The following GOLM2 variants were observed in gnomAD, a reference collection of about 807,000 sequenced individuals.
GOLM2 encodes the protein golgi membrane protein 2.
Under a neutral mutation model 55.9 loss-of-function variants are expected in GOLM2, and 26 were observed. The observed-to-expected ratio is 0.47, with a 90% CI of 0.34 to 0.65. The LOEUF (loss-of-function observed/expected upper bound fraction) is 0.65. Among genes scored for constraint, GOLM2 ranks in the 30% least tolerant of loss-of-function variants. The pLI is 0.01. For missense variants in GOLM2, 486 were observed against 531.8 expected (o/e 0.91, Z 0.85); for synonymous variants, 165 against 194.6 (o/e 0.85, Z 1.27).
At chr15:44,299,455 G>A (rs1368955886) in intron 1 of GOLM2, among the ~76,000 whole-genome samples, 3 of 151,904 alleles carry the variant, frequency 2.0e-5, no homozygotes, top group Admixed American at 1.3e-4. Flanking sequence ...ACCACACCCA[G>A]CTAAATTTTG....
intron 6 of GOLM2, among the ~76,000 whole-genome samples, chr15:44,353,840 A>T (rs1049052099): frequency 6.6e-6 from 1 of 152,236 alleles, no homozygotes; most frequent in African/African-American, 2.4e-5. Context: ...TACAAAAAAT[A>T]GAAAGAATGA....
At chr15:44,344,879 G>A (rs1223699547) in intron 6 of GOLM2, among the ~76,000 whole-genome samples, 4 of 149,824 alleles carry the variant, frequency 2.7e-5, no homozygotes, top group African/African-American at 7.4e-5. Context: ...CTGGGTTCGC[G>A]CCATTCTCTT....
At position 44,288,978 on chromosome 15, in the gene GOLM2, T is replaced by G; in HGVS notation, c.-52T>G. 3 of 1,508,304 alleles carry G rather than the reference T, an allele frequency of 2.0e-6. No homozygotes were observed. The highest frequency in any genetic ancestry group is 2.7e-6 in the Non-Finnish European group (3 of 1,110,292). 93.4% of individuals were successfully genotyped at this position (1,508,304 alleles called of 1,614,324 possible). On this transcript the variant is annotated 5_prime_UTR_variant, in exon 1 of 10. Transcript: ENST00000299957. ...CAACTCCAGCCGAGGCCTGGGCTTC[T>G]GCCTGCAGGTGTCTGCGGCGAGGCC...
chr15:44,378,984 A>C (rs8024805), intron 6 of GOLM2, among the ~76,000 whole-genome samples: 6,774 of 152,090 alleles, frequency 0.045, 255 homozygotes, highest in East Asian at 0.19. Context: ...TGACCTTGTG[A>C]TCTGCCCACC....
intron 6 of GOLM2, among the ~76,000 whole-genome samples, chr15:44,361,137 A>G (rs1370464958): frequency 6.6e-6 from 1 of 150,874 alleles, no homozygotes; most frequent in African/African-American, 2.4e-5. Context: ...CATCACAATT[A>G]AAAGAACTAG....
intron 6 of GOLM2, among the ~76,000 whole-genome samples, chr15:44,369,777 C>A (rs1252462899): frequency 6.7e-6 from 1 of 150,334 alleles, no homozygotes; most frequent in East Asian, 2.0e-4. Context: ...GATGACAAAG[C>A]AAGACTCCAT....
chr15:44,363,915 T>C (rs1203147485), intron 6 of GOLM2, among the ~76,000 whole-genome samples: 1 of 151,962 alleles, frequency 6.6e-6, no homozygotes, highest in Non-Finnish European at 1.5e-5. Context: ...AAACTGGAAA[T>C]AATCATTCTC....
chr15:44,352,805 C>T (rs1023568080), intron 6 of GOLM2, among the ~76,000 whole-genome samples: 1 of 151,732 alleles, frequency 6.6e-6, no homozygotes, highest in Non-Finnish European at 1.5e-5. Context: ...ACTCAGGAGG[C>T]TGAGGCAGGA....
chr15:44,352,067 CAATCCT>C (rs1567032939), intron 6 of GOLM2, among the ~76,000 whole-genome samples: 1 of 152,054 alleles, frequency 6.6e-6, no homozygotes, highest in East Asian at 1.9e-4. Flanking sequence ...ATGGAAAAAA[CAATCCT>C]AAAATTTATA....
At chr15:44,322,925 A>G (rs1458333791) in intron 1 of GOLM2, 40 bp from the exon 2 acceptor site, 5 of 1,400,324 alleles carry the variant, frequency 3.6e-6, no homozygotes, top group South Asian at 1.3e-5. Context: ...GAACAAAACT[A>G]CATATTTTTT....
Position 44,413,469 on chromosome 15 carries a change from T to C in GOLM2, c.*63T>C. On this transcript the variant is annotated 3_prime_UTR_variant, in exon 10 of 10. Transcript: ENST00000299957. Reference sequence around the variant, plus strand: ...AAAATGAAATCATTCTACTTTGTCCTTTCTGACTTTTGTTGTAAAGACGAA... The same window carrying C: ...AAAATGAAATCATTCTACTTTGTCCCTTCTGACTTTTGTTGTAAAGACGAA... The C allele has an allele frequency of 1.6e-6, 2 of 1,234,484 alleles. No individual in the cohort carries two copies. The highest frequency in any genetic ancestry group is 2.3e-6 in the Non-Finnish European group (2 of 853,928). The allele number at this position is 1,234,484 out of a possible 1,614,324, so 76.5% of individuals were successfully genotyped here.
chr15:44,333,161 T>C (rs1354599400), intron 4 of GOLM2, among the ~76,000 whole-genome samples: 2 of 152,156 alleles, frequency 1.3e-5, no homozygotes, highest in Admixed American at 6.5e-5. Context: ...CTCGATCTCT[T>C]GACCTTGTGA....
intron 6 of GOLM2, among the ~76,000 whole-genome samples, chr15:44,360,685 G>C (rs951910975): frequency 6.6e-6 from 1 of 152,076 alleles, no homozygotes; most frequent in African/African-American, 2.4e-5. Context: ...ATTGAACTCA[G>C]CTCTGCACCA....
chr15:44,346,579 T>TA (rs1411552645), intron 6 of GOLM2, among the ~76,000 whole-genome samples: 1 of 152,206 alleles, frequency 6.6e-6, no homozygotes, highest in East Asian at 1.9e-4. Flanking sequence ...TAGCTACACT[T>TA]AAAGTGCTTA....
chr15:44,388,244 A>G (rs921183936), intron 8 of GOLM2, among the ~76,000 whole-genome samples: 16 of 141,804 alleles, frequency 1.1e-4, no homozygotes, highest in Admixed American at 4.4e-4. Flanking sequence ...ACTGTACTCC[A>G]GCCTGGGCAA....
intron 8 of GOLM2, among the ~76,000 whole-genome samples, chr15:44,394,393 T>C (rs921136075): frequency 8.5e-5 from 13 of 152,216 alleles, no homozygotes; most frequent in African/African-American, 3.1e-4. Context: ...CTAGATAGTA[T>C]AGGTTTGCCT....
chr15:44,328,900 T>A, intron 3 of GOLM2, 113 bp downstream of exon 3: 1 of 632,402 alleles, frequency 1.6e-6, no homozygotes, highest in South Asian at 2.7e-5. Context: ...TCTTCTTTCA[T>A]TTTGTTAAGC....
chr15:44,345,617 A>G (rs1300609921), intron 6 of GOLM2, among the ~76,000 whole-genome samples: 6 of 152,106 alleles, frequency 3.9e-5, no homozygotes, highest in South Asian at 4.1e-4. Flanking sequence ...TCTTCTCTGT[A>G]TTATACCTAT....
intron 6 of GOLM2, among the ~76,000 whole-genome samples, chr15:44,341,081 T>C (rs961513763): frequency 2.9e-5 from 4 of 136,718 alleles, no homozygotes; most frequent in African/African-American, 5.3e-5. Context: ...ACTTTTCTCT[T>C]TTTTTTTTTT....
Sources: allele counts gnomAD v4.1 joint callset (sites outside exome capture counted in the v4.1 genomes callset), GRCh38; gene constraint gnomAD v4.1.1; transcripts MANE v1.5; gene names NCBI Gene and HGNC (gene_info 2026-07-23, HGNC 2026-07-21).